Variants in CRIM1 observed in about 807,000 individuals in gnomAD.
CRIM1 encodes the protein cysteine-rich motor neuron 1 protein.
CRIM1 carries 32 observed loss-of-function variants against 116.4 expected under a neutral mutation model. The ratio of observed to expected loss-of-function variants is 0.27; its 90% CI spans 0.21 to 0.37. The LOEUF is 0.37. CRIM1 is among the 10% of genes least tolerant of loss of function. The pLI is 1.00. For missense variants in CRIM1, 1,331 were observed against 1,354.8 expected, an observed-to-expected ratio of 0.98 and a Z score of 0.28; for synonymous variants, 590 against 509.2, an observed-to-expected ratio of 1.16 and a Z score of -2.13.
intron 2 of CRIM1, among the ~76,000 whole-genome samples, chr2:36,413,688 C>G (rs1454440018): frequency 6.6e-6 from 1 of 152,180 alleles, no homozygotes; most frequent in Non-Finnish European, 1.5e-5. Context: ...TTATTTTGAG[C>G]TCATTGGCTT....
intron 8 of CRIM1, 144 bp from the exon 9 acceptor site, chr2:36,509,839 C>A (rs913727699): frequency 1.5e-6 from 1 of 678,662 alleles, no homozygotes. Flanking sequence ...ACAGTCTATG[C>A]TTTTTAATGA....
At chr2:36,484,248 A>G (rs560056332) in intron 7 of CRIM1, among the ~76,000 whole-genome samples, 23 of 152,328 alleles carry the variant, frequency 1.5e-4, no homozygotes, top group African/African-American at 4.8e-4. Flanking sequence ...CGCCTTGTGC[A>G]TGGTGTAGGT....
intron 2 of CRIM1, among the ~76,000 whole-genome samples, chr2:36,419,892 A>C (rs1673919696): frequency 6.6e-6 from 1 of 152,218 alleles, no homozygotes; most frequent in South Asian, 2.1e-4. Context: ...GCAGTTTATA[A>C]ATAATCCTAA....
chr2:36,364,397 C>G (rs1669451763), intron 1 of CRIM1, among the ~76,000 whole-genome samples: 3 of 152,218 alleles, frequency 2.0e-5, no homozygotes, highest in African/African-American at 7.2e-5. Context: ...TGTTTTCACA[C>G]AGGCCATGAT....
At chr2:36,389,373 G>T (rs1671408805) in intron 1 of CRIM1, among the ~76,000 whole-genome samples, 1 of 152,100 alleles carries the variant, frequency 6.6e-6, no homozygotes, top group Admixed American at 6.5e-5. Context: ...CATTACACTG[G>T]AGTTTTTAGG....
chr2:36,473,286 G>C (rs1301382783), intron 5 of CRIM1, among the ~76,000 whole-genome samples: 1 of 152,162 alleles, frequency 6.6e-6, no homozygotes, highest in African/African-American at 2.4e-5. Flanking sequence ...TCATCATCCA[G>C]CTTTCACCGG....
intron 7 of CRIM1, among the ~76,000 whole-genome samples, chr2:36,493,792 TGTC>T (rs941735666): frequency 1.0e-3 from 154 of 152,364 alleles, no homozygotes; most frequent in African/African-American, 3.6e-3. Context: ...CCATTAATAT[TGTC>T]ATTTAGGCTA....
chr2:36,381,951 C>T (rs568664267), intron 1 of CRIM1, among the ~76,000 whole-genome samples: 1 of 152,298 alleles, frequency 6.6e-6, no homozygotes, highest in East Asian at 1.9e-4. Context: ...TCACCTGTCC[C>T]TTTCTGTTTT....
rs143309529 is a variant in CRIM1 at position 36,385,106 on chromosome 2, G to A, written c.332-11508G>A. ...ACTGAAAAAAAAAAAAAAATCAAAG[G>A]TTTGGGTTTTTAGGCAAGATATTTA... On this transcript the variant is annotated intron_variant, in intron 1 of 16. Coordinates refer to ENST00000280527, the MANE Select transcript of CRIM1 (RefSeq NM_016441.3). 5.3e-3 allele frequency among the ~76,000 whole-genome samples: 811 copies of A among 151,796 alleles called. 4 individuals are homozygous for A. Among genetic ancestry groups the A allele is most frequent in the Middle Eastern group, 0.027 (8 of 292 alleles).
chr2:36,420,561 C>T (rs1309500161), intron 2 of CRIM1, among the ~76,000 whole-genome samples: 1 of 152,144 alleles, frequency 6.6e-6, no homozygotes, highest in Non-Finnish European at 1.5e-5. Flanking sequence ...GCCATATGTA[C>T]GGGGTCTTAA....
At chr2:36,372,992 T>C (rs528080392) in intron 1 of CRIM1, among the ~76,000 whole-genome samples, 9 of 150,582 alleles carry the variant, frequency 6.0e-5, no homozygotes, top group Middle Eastern at 3.4e-3. Flanking sequence ...TTAAAACTTT[T>C]ATATGGCTTC....
chr2:36,529,546 T>G (rs112092468), intron 13 of CRIM1: 84 of 188,058 alleles, frequency 4.5e-4, no homozygotes, highest in Non-Finnish European at 7.7e-4. Flanking sequence ...AGATGCATCT[T>G]GGATTGTAGG....
At chr2:36,427,355 C>A (rs1285530741) in intron 2 of CRIM1, among the ~76,000 whole-genome samples, 2 of 152,156 alleles carry the variant, frequency 1.3e-5, no homozygotes, top group African/African-American at 4.8e-5. Context: ...GGGATAGAGT[C>A]TTTCAGCCAT....
intron 2 of CRIM1, among the ~76,000 whole-genome samples, chr2:36,423,966 G>A (rs942119803): frequency 1.3e-5 from 2 of 152,140 alleles, no homozygotes. Flanking sequence ...AGGCAGACAG[G>A]TACGTAGGTA....
At position 36,550,280 on chromosome 2, in the gene CRIM1, A is replaced by C. The variant is rs1449840360; in HGVS notation, c.*1579A>C. 1 of 150,824 alleles carries C rather than the reference A, an allele frequency of 6.6e-6. No individual in the cohort carries two copies. The highest frequency in any genetic ancestry group is 1.5e-5 in the Non-Finnish European group (1 of 67,778). 9.3% of individuals were successfully genotyped at this position (150,824 alleles called of 1,614,324 possible). A position where few individuals can be genotyped will look rare whatever the true frequency, so the allele number is the denominator to read the frequency against. ...AACAATGGTTTGAAACAACTACTGG[A>C]ATATTGTCCACAATAAGCTGGAAGT... On this transcript the variant is annotated 3_prime_UTR_variant, in exon 17 of 17. Transcript: ENST00000280527.
chr2:36,465,063 A>G (rs1359008762), intron 5 of CRIM1, among the ~76,000 whole-genome samples: 1 of 152,156 alleles, frequency 6.6e-6, no homozygotes, highest in East Asian at 1.9e-4. Flanking sequence ...AACAAGAAAA[A>G]CATGGCTCAT....
At chr2:36,367,750 G>A (rs981270163) in intron 1 of CRIM1, among the ~76,000 whole-genome samples, 1 of 152,156 alleles carries the variant, frequency 6.6e-6, no homozygotes, top group African/African-American at 2.4e-5. Context: ...TTTATCAAGC[G>A]GCAGTGGAGA....
At chr2:36,433,004 G>A (rs1175386866) in intron 2 of CRIM1, among the ~76,000 whole-genome samples, 6 of 152,016 alleles carry the variant, frequency 3.9e-5, no homozygotes, top group African/African-American at 1.4e-4. Flanking sequence ...CCAGATTACC[G>A]AGCCCCACTC....
chr2:36,468,603 C>A (rs1235596951), intron 5 of CRIM1, among the ~76,000 whole-genome samples: 1 of 152,188 alleles, frequency 6.6e-6, no homozygotes, highest in Non-Finnish European at 1.5e-5. Flanking sequence ...AATATGACCT[C>A]CAAAGCAGTG....
Sources: gnomAD v4.1 joint callset for allele counts (sites outside exome capture counted in the v4.1 genomes callset) on GRCh38, gnomAD v4.1.1 for gene constraint, MANE v1.5 for transcripts, NCBI Gene and HGNC (gene_info 2026-07-23, HGNC 2026-07-21) for gene names.